TFDP2: variants seen among roughly 807,000 people sequenced by gnomAD.
TFDP2 encodes the protein transcription factor Dp-2 (E2F dimerization partner 2).
A neutral mutation model predicts 59.3 loss-of-function variants in TFDP2; 17 were observed. The observed-to-expected ratio is 0.29, with a 90% CI of 0.20 to 0.43. The LOEUF (loss-of-function observed/expected upper bound fraction) is 0.43. TFDP2 is among the 20% of genes least tolerant of loss of function. The pLI, the probability that TFDP2 is intolerant of heterozygous loss-of-function variation, is 1.00. For missense variants in TFDP2, 391 were observed against 528.8 expected (o/e 0.74, Z 2.56); for synonymous variants, 180 against 194.7 (o/e 0.92, Z 0.63).
At position 141,949,044 on chromosome 3, in the gene TFDP2, C is replaced by T. The variant is rs1044246868; in HGVS notation, c.*3469G>A. The stretch of plus-strand genomic sequence containing the variant: ...AGTGAGCCGAGATCACCACTGCACT[C>T]CAGCCTGGGCAACAGAGCGAGACTC... On this transcript the variant is annotated 3_prime_UTR_variant, in exon 13 of 13. Coordinates refer to ENST00000489671, the MANE Select transcript of TFDP2 (RefSeq NM_001178139.2). 1.5e-4 allele frequency: 21 copies of T among 138,386 alleles called. No individual in the cohort carries two copies. The highest frequency in any genetic ancestry group is 5.9e-4 in the African/African-American group (21 of 35,868). The allele number at this position is 138,386 out of a possible 1,614,324, so 8.6% of individuals were successfully genotyped here. A position where few individuals can be genotyped will look rare whatever the true frequency, so the allele number is the denominator to read the frequency against.
intron 1 of TFDP2, among the ~76,000 whole-genome samples, chr3:142,113,593 T>C (rs1188491775): frequency 6.6e-6 from 1 of 152,096 alleles, no homozygotes; most frequent in Non-Finnish European, 1.5e-5. Flanking sequence ...TATTAATATA[T>C]GTTTATAGAC....
At chr3:142,030,733 C>T (rs1414869256) in intron 3 of TFDP2, among the ~76,000 whole-genome samples, 1 of 142,182 alleles carries the variant, frequency 7.0e-6, no homozygotes, top group Non-Finnish European at 1.5e-5. Flanking sequence ...AGTATATTCC[C>T]GTGTTCTCTT....
chr3:142,140,181 C>G (rs1399639985), intron 1 of TFDP2, among the ~76,000 whole-genome samples: 1 of 152,102 alleles, frequency 6.6e-6, no homozygotes, highest in Non-Finnish European at 1.5e-5. Context: ...TTGTGCATGC[C>G]TCACGAAGTT....
intron 2 of TFDP2, among the ~76,000 whole-genome samples, chr3:142,095,668 A>T (rs2061136945): frequency 1.3e-5 from 2 of 152,230 alleles, no homozygotes; most frequent in South Asian, 4.1e-4. Context: ...AAATAACTAT[A>T]TGTTATGGCT....
Position 141,966,978 on chromosome 3 carries a change from G to A in TFDP2, c.733-3015C>T, listed in dbSNP as rs533631700. ...GTTGCCCAGGCTGGAGTGCAGTGGTGCAATCTCGGCTCACTGCAACCTCCG... is the reference window on the plus strand; with the variant it reads ...GTTGCCCAGGCTGGAGTGCAGTGGTACAATCTCGGCTCACTGCAACCTCCG... On this transcript the variant is annotated intron_variant, in intron 9 of 12. Transcript: ENST00000489671. Among the ~76,000 whole-genome samples the A allele has an allele frequency of 1.2e-4, 18 of 148,460 alleles. 1 individual carries two copies. The highest frequency in any genetic ancestry group is 2.6e-4 in the African/African-American group (10 of 39,002).
intron 3 of TFDP2, among the ~76,000 whole-genome samples, chr3:142,026,424 C>A (rs1318092619): frequency 6.6e-6 from 1 of 152,150 alleles, no homozygotes; most frequent in East Asian, 1.9e-4. Flanking sequence ...ATGTTGATAT[C>A]TTTTCCAGCC....
At chr3:142,141,248 G>A (rs73236038) in intron 1 of TFDP2, among the ~76,000 whole-genome samples, 12,986 of 152,266 alleles carry the variant, frequency 0.085, 665 homozygotes, top group Middle Eastern at 0.14. Context: ...GGACGAGAGC[G>A]TCCCATTTTT....
intron 3 of TFDP2, among the ~76,000 whole-genome samples, chr3:142,077,888 A>G (rs1315385626): frequency 6.6e-6 from 1 of 152,152 alleles, no homozygotes; most frequent in Admixed American, 6.5e-5. Flanking sequence ...GGGGTCCCTG[A>G]TTCCAAGCCT....
chr3:142,023,169 G>T (rs1203716902), intron 3 of TFDP2, among the ~76,000 whole-genome samples: 3 of 147,762 alleles, frequency 2.0e-5, no homozygotes, highest in Non-Finnish European at 3.0e-5. Context: ...AAGAAAAAAA[G>T]TTGGGTTTTT....
intron 1 of TFDP2, among the ~76,000 whole-genome samples, chr3:142,136,123 T>C (rs1476714605): frequency 6.6e-6 from 1 of 152,058 alleles, no homozygotes; most frequent in Non-Finnish European, 1.5e-5. Flanking sequence ...TATCTCATTG[T>C]GGTTTTGATT....
In TFDP2 at chr3:142,101,678, G is replaced by A. The variant is rs116510308; in HGVS notation, c.15+57C>T. 631 of 1,158,768 alleles carry A rather than the reference G, an allele frequency of 5.4e-4. 8 individuals carry two copies. In the African/African-American group the frequency reaches 8.1e-3, roughly 15 times the overall value. The allele number at this position is 1,158,768 out of a possible 1,614,324, so 71.8% of individuals were successfully genotyped here. A position where few individuals can be genotyped will look rare whatever the true frequency, so the allele number is the denominator to read the frequency against. ...ACCAGAATGGTGAGAAAATATGTAGGAAAAAGCACAGCTCACTTTAAACAA... is the reference window on the plus strand; with the variant it reads ...ACCAGAATGGTGAGAAAATATGTAGAAAAAAGCACAGCTCACTTTAAACAA... On this transcript the variant is annotated intron_variant, in intron 2 of 12. Transcript: ENST00000489671.
chr3:141,997,437 A>G (rs1943367635), intron 4 of TFDP2, among the ~76,000 whole-genome samples: 1 of 152,172 alleles, frequency 6.6e-6, no homozygotes, highest in East Asian at 1.9e-4. Flanking sequence ...AGCAGTGTCT[A>G]CAAAGCTATT....
chr3:142,034,022 C>T (rs1045245704), intron 3 of TFDP2, among the ~76,000 whole-genome samples: 1 of 152,050 alleles, frequency 6.6e-6, no homozygotes, highest in African/African-American at 2.4e-5. Context: ...TCATACTTCC[C>T]ATCTCTCTTT....
chr3:142,138,244 A>G (rs6801547), intron 1 of TFDP2, among the ~76,000 whole-genome samples: 66,328 of 151,794 alleles, frequency 0.44, 15,082 homozygotes, highest in African/African-American at 0.54. Context: ...TTTTTATTGC[A>G]TCTACTTGAT....
intron 4 of TFDP2, 89 bp from the exon 5 acceptor site, chr3:141,995,230 TGA>T (rs1576624139): frequency 1.8e-6 from 2 of 1,140,892 alleles, no homozygotes; most frequent in Non-Finnish European, 2.3e-6. Flanking sequence ...AACCTACATA[TGA>T]GGAAACCTTG....
At chr3:142,034,676 A>G (rs1333167641) in intron 3 of TFDP2, among the ~76,000 whole-genome samples, 2 of 151,576 alleles carry the variant, frequency 1.3e-5, no homozygotes. Context: ...TGATCTTACA[A>G]ATCCCATCTT....
intron 1 of TFDP2, among the ~76,000 whole-genome samples, chr3:142,122,019 A>G (rs1165768362): frequency 6.6e-6 from 1 of 152,218 alleles, no homozygotes; most frequent in East Asian, 1.9e-4. Context: ...AAAACAGTGG[A>G]GATCTTCACA....
rs73236007 is a variant in TFDP2 at position 142,121,142 on chromosome 3, A to G, written c.-92-19301T>C. Among the ~76,000 whole-genome samples the G allele has an allele frequency of 0.083, 12,637 of 152,138 alleles. 651 individuals are homozygous for G. The highest frequency in any genetic ancestry group is 0.14 in the Middle Eastern group (42 of 294). On this transcript the variant is annotated intron_variant, in intron 1 of 12. Coordinates refer to ENST00000489671, the MANE Select transcript of TFDP2 (RefSeq NM_001178139.2). This position sits in a 1 kb window ranked among gnomAD's most constrained non-coding sequence, Gnocchi z 4.3. Reference sequence around the variant, plus strand: ...GGAGATTTGTGAAAGACTCACATTGAATGAATTTTTAAAAAGTCAGAAGTT... The same window carrying G: ...GGAGATTTGTGAAAGACTCACATTGGATGAATTTTTAAAAAGTCAGAAGTT...
At position 142,073,466 on chromosome 3, in the gene TFDP2, C is replaced by T. The variant is rs577155773; in HGVS notation, c.82+19595G>A. The stretch of plus-strand genomic sequence containing the variant: ...TAAAAACAAACAAACAACCCCCCCC[C>T]CCCCGCAAAAAAAAAAAATAAAAAA... On this transcript the variant is annotated intron_variant, in intron 3 of 12. Coordinates refer to ENST00000489671, the MANE Select transcript of TFDP2 (RefSeq NM_001178139.2). Among the ~76,000 whole-genome samples the T allele has an allele frequency of 4.8e-4, 36 of 74,832 alleles. 9 individuals carry two copies. The highest frequency in any genetic ancestry group is 9.3e-4 in the Non-Finnish European group (34 of 36,380). 49.1% of individuals were successfully genotyped at this position (74,832 alleles called of 152,430 possible). A position where few individuals can be genotyped will look rare whatever the true frequency, so the allele number is the denominator to read the frequency against.
Sources: allele counts gnomAD v4.1 joint callset (sites outside exome capture counted in the v4.1 genomes callset), GRCh38; gene constraint gnomAD v4.1.1; non-coding constraint Gnocchi (gnomAD v3.1); transcripts MANE v1.5; gene names NCBI Gene and HGNC (gene_info 2026-07-23, HGNC 2026-07-21).